The following TENM4 variants were observed in gnomAD, a reference collection of about 807,000 sequenced individuals.
The protein encoded by TENM4 is teneurin transmembrane protein 4, also known as teneurin-4.
A neutral mutation model predicts 243.3 loss-of-function variants in TENM4; 82 were observed. That is an observed-to-expected ratio of 0.34 (90% CI 0.28 to 0.40). The LOEUF (loss-of-function observed/expected upper bound fraction) is 0.40. Ranked by LOEUF, TENM4 falls within the 10% of genes least tolerant of loss-of-function variation. TENM4 has a pLI of 1.00. For synonymous variants in TENM4, 1,412 were observed against 1,456.3 expected (o/e 0.97, Z 0.69); for missense variants, 3,138 against 3,673.3 (o/e 0.85, Z 3.77).
In TENM4 at chr11:78,670,019, C is replaced by A; in HGVS notation, c.6326G>T (p.Arg2109Leu). 1.2e-6 allele frequency: 2 copies of A among 1,613,844 alleles called. No homozygotes were observed. Among genetic ancestry groups the A allele is most frequent in the South Asian group, 1.1e-5 (1 of 91,056 alleles). Residue 2109 changes from arginine to leucine, a missense_variant, in exon 32 of 34, where the codon CGC becomes CTC. By Grantham distance (102) the Arg-to-Leu change is moderately radical (BLOSUM62 -2). Coordinates refer to ENST00000278550, the MANE Select transcript of TENM4 (RefSeq NM_001098816.3). ...NETPLPIDLY[R>L]YDDVSGKTEQ... ...TGTCTTGCCTGACACATCATCATAG[C>A]GATAGAGATCAATGGGCAGTGGGGT...
intron 20 of TENM4, among the ~76,000 whole-genome samples, chr11:78,733,511 T>C (rs1855716763): frequency 6.6e-6 from 1 of 152,178 alleles, no homozygotes. Context: ...CCAGAATATC[T>C]TGTGCCCAAA....
intron 19 of TENM4, among the ~76,000 whole-genome samples, chr11:78,755,256 C>A (rs747205254): frequency 6.6e-5 from 10 of 152,152 alleles, no homozygotes; most frequent in Non-Finnish European, 1.3e-4. Context: ...CCTCAACCTT[C>A]TGGGCTCAAG....
chr11:79,400,802 C>A (rs1479830401), intron 1 of TENM4, among the ~76,000 whole-genome samples: 1 of 152,214 alleles, frequency 6.6e-6, no homozygotes, highest in South Asian at 2.1e-4. Flanking sequence ...TGTTCCCTTG[C>A]TCTCCTCCTC....
chr11:79,135,778 A>C (rs1862098877), intron 4 of TENM4, among the ~76,000 whole-genome samples: 1 of 138,432 alleles, frequency 7.2e-6, no homozygotes. Flanking sequence ...ATATACATAT[A>C]TATGATATAT....
intron 4 of TENM4, among the ~76,000 whole-genome samples, chr11:79,109,487 G>A (rs1861453250): frequency 6.6e-6 from 1 of 152,138 alleles, no homozygotes; most frequent in African/African-American, 2.4e-5. Flanking sequence ...CCAAGGTGCA[G>A]GAGACAGATA....
chr11:78,777,996 AG>A (rs1158894650), intron 17 of TENM4, among the ~76,000 whole-genome samples: 1 of 152,212 alleles, frequency 6.6e-6, no homozygotes, highest in Non-Finnish European at 1.5e-5. Flanking sequence ...AACTTACCAA[AG>A]TCAGGCCTTC....
At chr11:79,259,646 C>T (rs1354317693) in intron 2 of TENM4, among the ~76,000 whole-genome samples, 1 of 136,618 alleles carries the variant, frequency 7.3e-6, no homozygotes, top group Non-Finnish European at 1.6e-5. Flanking sequence ...CCCATCCATC[C>T]ATCCATCCAT....
chr11:78,854,056 C>A (rs1445051287), intron 12 of TENM4, 48 bp downstream of exon 12: 1 of 1,517,842 alleles, frequency 6.6e-7, no homozygotes, highest in Non-Finnish European at 8.9e-7. Flanking sequence ...CAGCCTCCGA[C>A]CAAAAGAGAC....
chr11:79,413,684 A>C (rs539362199), intron 1 of TENM4, among the ~76,000 whole-genome samples: 1 of 152,364 alleles, frequency 6.6e-6, no homozygotes, highest in South Asian at 2.1e-4. Flanking sequence ...TAGGAGAAAA[A>C]AAAAGCCATA....
At chr11:78,675,672 T>C (rs1344922044) in intron 30 of TENM4, among the ~76,000 whole-genome samples, 2 of 152,212 alleles carry the variant, frequency 1.3e-5, no homozygotes, top group African/African-American at 4.8e-5. Context: ...GCTTAGGTTC[T>C]AAGTAGCTGA....
chr11:79,353,233 ATTCCATGACCT>A (rs1365022555), intron 1 of TENM4, among the ~76,000 whole-genome samples: 1 of 152,178 alleles, frequency 6.6e-6, no homozygotes, highest in East Asian at 1.9e-4. Context: ...CGTCATTGAC[ATTCCATGACCT>A]TATGTCTTAG....
chr11:79,134,611 A>C (rs1862072497), intron 4 of TENM4, among the ~76,000 whole-genome samples: 1 of 152,206 alleles, frequency 6.6e-6, no homozygotes, highest in Non-Finnish European at 1.5e-5. Flanking sequence ...ATAAGGCCAT[A>C]GTCACCAAAA....
intron 1 of TENM4, among the ~76,000 whole-genome samples, chr11:79,415,365 A>G (rs1354632998): frequency 6.6e-6 from 1 of 152,216 alleles, no homozygotes; most frequent in African/African-American, 2.4e-5. Flanking sequence ...TCATTCGTTT[A>G]CAGGTGGTTT....
rs147117034 is a variant in TENM4, at chr11:79,418,992, C to T, written c.-321+21517G>A. On this transcript the variant is annotated intron_variant, in intron 1 of 33. Coordinates refer to ENST00000278550, the MANE Select transcript of TENM4 (RefSeq NM_001098816.3). ...CACTTGAATAAATGTATGGCCTCTCCAGGTGCCACCTCTGAAGGAAGTCAA... is the reference window on the plus strand; with the variant it reads ...CACTTGAATAAATGTATGGCCTCTCTAGGTGCCACCTCTGAAGGAAGTCAA... Among the ~76,000 whole-genome samples the T allele has an allele frequency of 3.3e-5, 5 of 152,330 alleles. No individual in the cohort carries two copies. The East Asian group carries it at 9.6e-4, about 29-fold the overall frequency.
In TENM4 at chr11:78,702,190, C is replaced by T. The variant is rs1229028928; in HGVS notation, c.4423G>A (p.Val1475Ile). ...ATLESATALA[V>I]SHNGVLYIAE... is the part of the protein sequence containing the mutation. ...ATATACAGGACCCCATTGTGTGAAA[C>T]AGCCAAAGCGGTGGCTGACTCCAGG... The change falls in exon 28 of 34, where the codon GTT (valine) becomes ATT (isoleucine). Residue 1475 changes from valine to isoleucine, a missense_variant. Around this residue, in one of 2 missense-constraint regions of TENM4, gnomAD observed 2,467 missense variants for 3,059.1 expected, o/e 0.81. Transcript: ENST00000278550. The T allele has an allele frequency of 6.2e-7, 1 of 1,613,922 alleles. No homozygotes were observed. The highest frequency in any genetic ancestry group is 2.2e-5 in the East Asian group (1 of 44,892).
intron 1 of TENM4, among the ~76,000 whole-genome samples, chr11:79,326,824 G>T (rs1469283833): frequency 1.3e-5 from 2 of 152,178 alleles, no homozygotes. Flanking sequence ...AAGGAACCAG[G>T]TCTATTTATC....
chr11:78,960,306 A>G (rs1188228651), intron 6 of TENM4, among the ~76,000 whole-genome samples: 1 of 152,050 alleles, frequency 6.6e-6, no homozygotes, highest in Admixed American at 6.6e-5. Flanking sequence ...TGGAGAATGC[A>G]GGGTGTAAAA....
intron 3 of TENM4, among the ~76,000 whole-genome samples, chr11:79,181,705 A>T (rs563213): frequency 1.4e-5 from 2 of 138,640 alleles, no homozygotes; most frequent in African/African-American, 5.5e-5. Context: ...AGAACTGATT[A>T]AAAAAAAAAA....
chr11:79,129,664 C>T lies in TENM4; in HGVS notation c.-66+19046G>A, dbSNP rs770351034. 1.2e-4 allele frequency among the ~76,000 whole-genome samples: 18 copies of T among 152,202 alleles called. 1 individual carries two copies. The highest frequency in any genetic ancestry group is 3.1e-4 in the African/African-American group (13 of 41,524). On this transcript the variant is annotated intron_variant, in intron 4 of 33. Coordinates refer to ENST00000278550, the MANE Select transcript of TENM4 (RefSeq NM_001098816.3). ...TGGCTCAGCAGGGGCAGCCATAGTC[C>T]GCCCAGGTACACAACTCCAGTGACT... is the stretch of plus-strand genomic sequence containing the variant.
Sources: allele counts gnomAD v4.1 joint callset (sites outside exome capture counted in the v4.1 genomes callset), GRCh38; gene constraint gnomAD v4.1.1; regional missense constraint gnomAD v4.1.1; transcripts MANE v1.5; gene names NCBI Gene and HGNC (gene_info 2026-07-23, HGNC 2026-07-21).